ASS1: variants seen among roughly 807,000 people sequenced by gnomAD.
ASS1 encodes argininosuccinate synthase 1.
In ASS1, 58 loss-of-function variants were observed where a neutral mutation model predicts 60.5. That is an observed-to-expected ratio of 0.96 (90% CI 0.78 to 1.19). The LOEUF (loss-of-function observed/expected upper bound fraction) is 1.19, where lower values mean the gene tolerates loss of function less well. Ranked by LOEUF, ASS1 falls within the 50% of genes most tolerant of loss-of-function variation. ASS1 has a pLI of 0.00. For synonymous variants in ASS1, 200 were observed against 206.9 expected (o/e 0.97, Z 0.29); for missense variants, 454 against 547.3 (o/e 0.83, Z 1.70).
intron 3 of ASS1, among the ~76,000 whole-genome samples, chr9:130,454,803 CATCCATCA>C (rs1845403083): frequency 1.3e-5 from 2 of 149,150 alleles, no homozygotes; most frequent in African/African-American, 5.1e-5. Flanking sequence ...TCCATCCATC[CATCCATCA>C]CCCACCCATC....
At position 130,472,389 on chromosome 9, in the gene ASS1, G is replaced by T. The variant is rs180952203; in HGVS notation, c.597+874G>T. Among the ~76,000 whole-genome samples, 325 of 152,274 alleles carry T rather than the reference G, an allele frequency of 2.1e-3. 2 individuals are homozygous for T. The highest frequency in any genetic ancestry group is 7.4e-3 in the African/African-American group (309 of 41,548). Reference sequence around the variant, plus strand: ...CTCTCACGCCCGCGTGCCGCCCCCTGGTCGGTGTTGGCTGTAATATCACAT... The same window carrying T: ...CTCTCACGCCCGCGTGCCGCCCCCTTGTCGGTGTTGGCTGTAATATCACAT... On this transcript the variant is annotated intron_variant, in intron 8 of 14. Coordinates refer to ENST00000352480, the MANE Select transcript of ASS1 (RefSeq NM_054012.4).
rs1846010945 is a variant in ASS1, at chr9:130,476,119, A to G, written c.598-752A>G. ...GTTCCTGGATGTCAGCAGGTGAACA[A>G]GGACCCCAGGCACAGGATGCCCACA... On this transcript the variant is annotated intron_variant, in intron 8 of 14. Transcript: ENST00000352480. The surrounding 1 kb of genome is among the most constrained non-coding windows in gnomAD (Gnocchi z 4.9). Among the ~76,000 whole-genome samples the G allele has an allele frequency of 6.6e-6, 1 of 152,150 alleles. No individual in the cohort carries two copies. The highest frequency in any genetic ancestry group is 2.4e-5 in the African/African-American group (1 of 41,430).
chr9:130,454,334 G>A lies in ASS1; in HGVS notation c.135G>A (p.Glu45=). Residue 45 remains glutamate (E), a synonymous_variant, in exon 3 of 15, where the codon GAG becomes GAA. Coordinates refer to ENST00000352480, the MANE Select transcript of ASS1 (RefSeq NM_054012.4). ...LANIGQKEDF[E]EARKKALKLG... ...ACATTGGCCAGAAGGAAGACTTCGA[G>A]GAAGCCAGGAAGAAGGCACTGAAGC... 6.2e-7 allele frequency: 1 copy of A among 1,613,314 alleles called. No individual in the cohort carries two copies. Among genetic ancestry groups the A allele is most frequent in the East Asian group, 2.2e-5 (1 of 44,864 alleles).
chr9:130,473,687 C>A (rs929710047), intron 8 of ASS1, among the ~76,000 whole-genome samples: 56 of 152,328 alleles, frequency 3.7e-4, no homozygotes, highest in Middle Eastern at 3.4e-3. Context: ...CGTGCCCCTC[C>A]CCCTCTCCAA....
At chr9:130,450,737 C>T (rs1845306928) in intron 1 of ASS1, among the ~76,000 whole-genome samples, 3 of 152,168 alleles carry the variant, frequency 2.0e-5, no homozygotes, top group African/African-American at 7.2e-5. Context: ...CACTTCCTCT[C>T]CCCGAGCTTC....
chr9:130,448,422 GCACACA>G lies in ASS1; in HGVS notation c.-6+3445_-6+3450del, dbSNP rs3085579. On this transcript the variant is annotated intron_variant, in intron 1 of 14. Transcript: ENST00000352480. ...TGGGTGCACACAGGTGTGTGCGCGC[GCACACA>G]CACACACACACACACACTGTCTCAG... Among the ~76,000 whole-genome samples the G allele has an allele frequency of 2.4e-4, 35 of 143,386 alleles. 1 individual carries two copies. Among genetic ancestry groups the G allele is most frequent in the South Asian group, 1.6e-3 (7 of 4,462 alleles). 94.1% of individuals were successfully genotyped at this position (143,386 alleles called of 152,430 possible).
intron 14 of ASS1, among the ~76,000 whole-genome samples, chr9:130,500,619 C>G (rs373491801): frequency 5.9e-5 from 9 of 152,102 alleles, no homozygotes; most frequent in Non-Finnish European, 7.4e-5. Context: ...TCCGTCACCT[C>G]CACCTCCCCT....
rs186031361 is a variant in ASS1 at position 130,488,986 on chromosome 9, G to A, written c.839-347G>A. Among the ~76,000 whole-genome samples the A allele has an allele frequency of 3.9e-5, 6 of 152,302 alleles. No homozygotes were observed. Among genetic ancestry groups the A allele is most frequent in the Admixed American group, 3.3e-4 (5 of 15,300 alleles). On this transcript the variant is annotated intron_variant, in intron 11 of 14. Coordinates refer to ENST00000352480, the MANE Select transcript of ASS1 (RefSeq NM_054012.4). This position sits in a 1 kb window ranked among gnomAD's most constrained non-coding sequence, Gnocchi z 5.2. The stretch of plus-strand genomic sequence containing the variant: ...GATATTTGGGGCTCTGGGCTCTACC[G>A]TAGTCGCTTTAATTACAGGCTTTCA...
In ASS1 at chr9:130,470,762, A is replaced by G; in HGVS notation, c.496-72A>G. On this transcript the variant is annotated intron_variant, in intron 6 of 14. Transcript: ENST00000352480. This position sits in a 1 kb window ranked among gnomAD's most constrained non-coding sequence, Gnocchi z 4.3. ...AGAGTTTGGGGCTCTCTGAAAAAGC[A>G]GGGCCCCTGGGACGGACCTCACGCG... 3 of 1,447,228 alleles carry G rather than the reference A, an allele frequency of 2.1e-6. No homozygotes were observed. Among genetic ancestry groups the G allele is most frequent in the Non-Finnish European group, 2.9e-6 (3 of 1,029,546 alleles). 89.6% of individuals were successfully genotyped at this position (1,447,228 alleles called of 1,614,324 possible). A position where few individuals can be genotyped will look rare whatever the true frequency, so the allele number is the denominator to read the frequency against.
chr9:130,459,431 T>C lies in ASS1; in HGVS notation c.363+842T>C, dbSNP rs566143350. On this transcript the variant is annotated intron_variant, in intron 4 of 14. Coordinates refer to ENST00000352480, the MANE Select transcript of ASS1 (RefSeq NM_054012.4). This position sits in a 1 kb window ranked among gnomAD's most constrained non-coding sequence, Gnocchi z 4.6. ...CTCATCTTAACTTGGTTACTTTTTG[T>C]GTGTGTGTGTGGGGGAGAGGGACAA... Among the ~76,000 whole-genome samples the C allele has an allele frequency of 2.6e-5, 4 of 151,956 alleles. No homozygotes were observed. The East Asian group carries it at 5.8e-4, about 22-fold the overall frequency.
chr9:130,488,992 G>A lies in ASS1; in HGVS notation c.839-341G>A, dbSNP rs569052574. Reference sequence around the variant, plus strand: ...TGGGGCTCTGGGCTCTACCGTAGTCGCTTTAATTACAGGCTTTCAACCTCG... The same window carrying A: ...TGGGGCTCTGGGCTCTACCGTAGTCACTTTAATTACAGGCTTTCAACCTCG... On this transcript the variant is annotated intron_variant, in intron 11 of 14. Transcript: ENST00000352480. The surrounding 1 kb of genome is among the most constrained non-coding windows in gnomAD (Gnocchi z 5.2). 9.8e-5 allele frequency among the ~76,000 whole-genome samples: 15 copies of A among 152,290 alleles called. No individual in the cohort carries two copies. In the South Asian group the frequency reaches 2.7e-3, roughly 27 times the overall value.
At chr9:130,461,102 G>C (rs1355927347) in intron 4 of ASS1, among the ~76,000 whole-genome samples, 1 of 149,148 alleles carries the variant, frequency 6.7e-6, no homozygotes, top group Non-Finnish European at 1.5e-5. Context: ...CATACAAGCC[G>C]AGGGCAGGGG....
chr9:130,475,092 TG>T (rs1845981832), intron 8 of ASS1, among the ~76,000 whole-genome samples: 1 of 152,202 alleles, frequency 6.6e-6, no homozygotes, highest in Non-Finnish European at 1.5e-5. Context: ...AGAGGTTTCT[TG>T]GGACAAAGGA....
At chr9:130,463,154 G>A (rs184739325) in intron 4 of ASS1, among the ~76,000 whole-genome samples, 23 of 152,370 alleles carry the variant, frequency 1.5e-4, no homozygotes, top group Admixed American at 1.4e-3. Flanking sequence ...TCCCACCGCT[G>A]CCTGGCTGCG....
intron 4 of ASS1, among the ~76,000 whole-genome samples, chr9:130,462,962 C>T (rs545361011): frequency 9.2e-5 from 14 of 152,192 alleles, no homozygotes; most frequent in Non-Finnish European, 1.8e-4. Context: ...GGCTAAAAAT[C>T]CCCCTGGCCC....
At chr9:130,450,427 C>A in intron 1 of ASS1, 1 of 843,150 alleles carries the variant, frequency 1.2e-6, no homozygotes, top group Non-Finnish European at 1.4e-6. Context: ...CCATGGATAC[C>A]ACCTGCTGGC....
chr9:130,487,281 G>C (rs1846323792), intron 11 of ASS1, among the ~76,000 whole-genome samples: 1 of 152,178 alleles, frequency 6.6e-6, no homozygotes, highest in Admixed American at 6.5e-5. Flanking sequence ...AAGACTTAAA[G>C]ATCAAAGACT....
intron 8 of ASS1, among the ~76,000 whole-genome samples, chr9:130,474,867 A>G (rs1293824159): frequency 2.0e-5 from 3 of 152,234 alleles, no homozygotes; most frequent in African/African-American, 7.2e-5. Context: ...CCTGTGGTCC[A>G]TAGAGGCATC....
chr9:130,447,789 A>G (rs1474760685), intron 1 of ASS1, among the ~76,000 whole-genome samples: 2 of 152,140 alleles, frequency 1.3e-5, no homozygotes, highest in Non-Finnish European at 2.9e-5. Context: ...GTCAGGTTGT[A>G]CAGATGAGGA....
Sources: allele counts gnomAD v4.1 joint callset (sites outside exome capture counted in the v4.1 genomes callset), GRCh38; gene constraint gnomAD v4.1.1; non-coding constraint Gnocchi (gnomAD v3.1); transcripts MANE v1.5; gene names NCBI Gene and HGNC (gene_info 2026-07-23, HGNC 2026-07-21).